RBBP8: variants seen among roughly 807,000 people sequenced by gnomAD.
RBBP8 encodes RB binding protein 8, endonuclease.
Under a neutral mutation model 108.3 loss-of-function variants are expected in RBBP8, and 88 were observed. The ratio of observed to expected loss-of-function variants is 0.81; its 90% CI spans 0.68 to 0.97. The LOEUF is 0.97. RBBP8 is among the 50% of genes least tolerant of loss of function. The probability of loss-of-function intolerance (pLI) is 0.00; values close to 1 mark genes in which losing one functional copy is unlikely to be tolerated. For missense variants in RBBP8, 1,023 were observed against 1,049.0 expected (o/e 0.98, Z 0.34); for synonymous variants, 332 against 348.2 (o/e 0.95, Z 0.52).
At chr18:22,967,292 G>A (rs1913689204) in intron 4 of RBBP8, among the ~76,000 whole-genome samples, 1 of 151,516 alleles carries the variant, frequency 6.6e-6, no homozygotes, top group Non-Finnish European at 1.5e-5. Context: ...TGTGAACCCA[G>A]GAGGCGGAGC....
intron 4 of RBBP8, among the ~76,000 whole-genome samples, chr18:22,963,748 T>C (rs1913319393): frequency 6.6e-6 from 1 of 152,182 alleles, no homozygotes. Context: ...AAAAGTTTAT[T>C]TTAGAAAATC....
At chr18:23,009,630 T>C (rs185064756) in intron 16 of RBBP8, among the ~76,000 whole-genome samples, 1 of 151,808 alleles carries the variant, frequency 6.6e-6, no homozygotes, top group Non-Finnish European at 1.5e-5. Context: ...GGCCTCTATA[T>C]CTTATAGCTC....
intron 6 of RBBP8, among the ~76,000 whole-genome samples, chr18:22,980,413 A>G (rs1227678587): frequency 6.6e-6 from 1 of 152,122 alleles, no homozygotes; most frequent in Non-Finnish European, 1.5e-5. Flanking sequence ...CTTGAAGGAG[A>G]TTAGAGAGAT....
At chr18:22,928,020 C>T (rs1909856758) in intron 3 of RBBP8, among the ~76,000 whole-genome samples, 1 of 151,690 alleles carries the variant, frequency 6.6e-6, no homozygotes, top group Admixed American at 6.6e-5. Context: ...ACTAGCCTGG[C>T]CAACATGGCA....
At chr18:23,017,984 A>G (rs1467469288) in intron 17 of RBBP8, among the ~76,000 whole-genome samples, 1 of 151,210 alleles carries the variant, frequency 6.6e-6, no homozygotes, top group Non-Finnish European at 1.5e-5. Context: ...GACCTCAATT[A>G]TTCCGCCTGC....
chr18:22,950,650 G>A (rs1468466750), intron 4 of RBBP8, among the ~76,000 whole-genome samples: 25 of 152,022 alleles, frequency 1.6e-4, no homozygotes, highest in Admixed American at 1.6e-3. Context: ...AGGCATAGTG[G>A]CTCATGCCTG....
intron 4 of RBBP8, among the ~76,000 whole-genome samples, chr18:22,964,948 C>T (rs1913443326): frequency 2.0e-5 from 3 of 152,016 alleles, no homozygotes; most frequent in Admixed American, 6.6e-5. Context: ...GAAACTATGA[C>T]TTTAAAAGAA....
chr18:22,954,225 T>G (rs1476391042), intron 4 of RBBP8, among the ~76,000 whole-genome samples: 1 of 152,038 alleles, frequency 6.6e-6, no homozygotes, highest in Non-Finnish European at 1.5e-5. Context: ...AACCCAAAAG[T>G]CCAAGTCCAA....
intron 18 of RBBP8, among the ~76,000 whole-genome samples, chr18:23,022,869 T>C (rs2046395816): frequency 6.7e-6 from 1 of 150,276 alleles, no homozygotes; most frequent in Admixed American, 6.7e-5. Context: ...TTTACCAAAT[T>C]TCAAAAAGCA....
Position 22,982,408 on chromosome 18 carries a change from T to G in RBBP8, c.604+15T>G. 6.2e-7 allele frequency: 1 copy of G among 1,613,400 alleles called. No homozygotes were observed. Among genetic ancestry groups the G allele is most frequent in the Non-Finnish European group, 8.5e-7 (1 of 1,179,860 alleles). On this transcript the variant is annotated intron_variant, in intron 7 of 18. Transcript: ENST00000327155. ...GTGTGCAAATGGTAAGAGTTGGAGT[T>G]GTATTTTAGTTCTCTGGTTTTGTAA...
At chr18:22,948,323 G>C (rs1335469902) in intron 3 of RBBP8, among the ~76,000 whole-genome samples, 1 of 151,962 alleles carries the variant, frequency 6.6e-6, no homozygotes, top group Non-Finnish European at 1.5e-5. Context: ...TGAAAACCTG[G>C]TGTTCCTTCT....
chr18:22,967,114 C>A (rs187929596), intron 4 of RBBP8, among the ~76,000 whole-genome samples: 1 of 152,146 alleles, frequency 6.6e-6, no homozygotes, highest in Non-Finnish European at 1.5e-5. Context: ...CGCCTGTAAT[C>A]CCAGCACTTT....
intron 7 of RBBP8, 22 bp downstream of exon 7, chr18:22,982,415 T>G: frequency 6.2e-7 from 1 of 1,613,128 alleles, no homozygotes; most frequent in Admixed American, 1.7e-5. Flanking sequence ...AGTTGTATTT[T>G]AGTTCTCTGG....
chr18:22,964,373 G>GTTTTTTTTTTTT (rs71161350), intron 4 of RBBP8, among the ~76,000 whole-genome samples: 2 of 139,498 alleles, frequency 1.4e-5, no homozygotes, highest in Non-Finnish European at 3.1e-5. Context: ...GGAGACTTAG[G>GTTTTTTTTTTTT]TTTTTTTTTT....
At chr18:22,949,083 A>T (rs1911810977) in intron 3 of RBBP8, among the ~76,000 whole-genome samples, 1 of 152,236 alleles carries the variant, frequency 6.6e-6, no homozygotes, top group Admixed American at 6.5e-5. Context: ...TTTGGAGTAG[A>T]TATTAATGTA....
rs62095211 is a variant in RBBP8, at chr18:22,993,903, A to G, written c.1939+56A>G. On this transcript the variant is annotated intron_variant, in intron 12 of 18. Transcript: ENST00000327155. Reference sequence around the variant, plus strand: ...TTTTAATGACTTCAGATTGAATGTCATTATTTACTTTTTTAAATAGATTGA... The same window carrying G: ...TTTTAATGACTTCAGATTGAATGTCGTTATTTACTTTTTTAAATAGATTGA... The G allele has an allele frequency of 0.13, 197,318 of 1,552,316 alleles. 15,154 individuals are homozygous for G. Among genetic ancestry groups the G allele is most frequent in the African/African-American group, 0.34 (25,227 of 73,302 alleles).
At chr18:22,971,379 GT>G (rs35357223) in intron 5 of RBBP8, among the ~76,000 whole-genome samples, 31,618 of 151,948 alleles carry the variant, frequency 0.21, 3,588 homozygotes, top group East Asian at 0.4. Flanking sequence ...TTTGGTGATT[GT>G]TTTTCTTTAC....
rs760720338 is a variant in RBBP8 at position 23,026,255 on chromosome 18, A to G, written c.*15A>G. 3.1e-6 allele frequency: 5 copies of G among 1,601,452 alleles called. No individual in the cohort carries two copies. In the Admixed American group the frequency reaches 5.0e-5, roughly 16 times the overall value. The stretch of plus-strand genomic sequence containing the variant: ...AGAAGACATAGACGTTGAAACAGAA[A>G]CAGAAGGATGAAGGACAGTTTTTTC... On this transcript the variant is annotated 3_prime_UTR_variant, in exon 19 of 19. Coordinates refer to ENST00000327155, the MANE Select transcript of RBBP8 (RefSeq NM_002894.3).
chr18:22,977,003 GA>G (rs1446226429), intron 6 of RBBP8, among the ~76,000 whole-genome samples: 1 of 152,044 alleles, frequency 6.6e-6, no homozygotes, highest in Non-Finnish European at 1.5e-5. Flanking sequence ...GCTAAAGTTT[GA>G]AATTACAGGA....
Sources: gnomAD v4.1 joint callset for allele counts (sites outside exome capture counted in the v4.1 genomes callset) on GRCh38, gnomAD v4.1.1 for gene constraint, MANE v1.5 for transcripts, NCBI Gene and HGNC (gene_info 2026-07-23, HGNC 2026-07-21) for gene names.